Variants in PTPRN2 observed in about 807,000 individuals in gnomAD.
PTPRN2 encodes receptor-type tyrosine-protein phosphatase N2.
PTPRN2 carries 74 observed loss-of-function variants against 118.8 expected under a neutral mutation model. The ratio of observed to expected loss-of-function variants is 0.62; its 90% CI spans 0.52 to 0.76. The LOEUF is 0.76. Among genes scored for constraint, PTPRN2 ranks in the 30% least tolerant of loss-of-function variants. The probability of loss-of-function intolerance (pLI) is 0.00; values close to 1 mark genes in which losing one functional copy is unlikely to be tolerated. For missense variants in PTPRN2, 1,481 were observed against 1,394.4 expected (o/e 1.06, Z -0.99); for synonymous variants, 641 against 608.0 (o/e 1.05, Z -0.80).
intron 11 of PTPRN2, among the ~76,000 whole-genome samples, chr7:158,004,575 C>T (rs534572576): frequency 1.3e-5 from 2 of 152,296 alleles, no homozygotes; most frequent in African/African-American, 2.4e-5. Flanking sequence ...GAAAGAGGCA[C>T]ATCTTATCAC....
intron 11 of PTPRN2, among the ~76,000 whole-genome samples, chr7:157,912,703 A>G (rs557042506): frequency 7.9e-5 from 12 of 152,082 alleles, no homozygotes; most frequent in African/African-American, 2.9e-4. Flanking sequence ...AGGTCATTTC[A>G]TTTTTTTCTC....
chr7:157,552,965 C>T (rs536069543), intron 21 of PTPRN2, among the ~76,000 whole-genome samples: 22 of 152,332 alleles, frequency 1.4e-4, no homozygotes, highest in African/African-American at 4.1e-4. Context: ...TCACAGATCT[C>T]GTGAGCAAAC....
intron 11 of PTPRN2, among the ~76,000 whole-genome samples, chr7:157,968,475 A>C (rs1802094840): frequency 6.6e-6 from 1 of 152,154 alleles, no homozygotes; most frequent in African/African-American, 2.4e-5. Flanking sequence ...TTCGGTTTTC[A>C]AGAGTTTCTG....
chr7:158,345,613 G>A (rs368225118), intron 2 of PTPRN2, among the ~76,000 whole-genome samples: 30 of 152,326 alleles, frequency 2.0e-4, no homozygotes, highest in Admixed American at 8.5e-4. Flanking sequence ...TTCCAATGCC[G>A]TCCACTCATC....
At chr7:157,945,161 GC>G (rs1469412924) in intron 11 of PTPRN2, among the ~76,000 whole-genome samples, 2 of 152,112 alleles carry the variant, frequency 1.3e-5, no homozygotes, top group Non-Finnish European at 2.9e-5. Flanking sequence ...GGATGCGGAG[GC>G]CCCAGTGCTG....
At chr7:157,636,096 TA>T (rs1343576444) in intron 14 of PTPRN2, among the ~76,000 whole-genome samples, 3 of 152,256 alleles carry the variant, frequency 2.0e-5, no homozygotes, top group African/African-American at 7.2e-5. Context: ...CATTAGCTGC[TA>T]ATCCCCTTTC....
At chr7:158,070,966 TCAC>T (rs1253259088) in intron 11 of PTPRN2, among the ~76,000 whole-genome samples, 2 of 41,020 alleles carry the variant, frequency 4.9e-5, no homozygotes, top group African/African-American at 2.8e-4. Context: ...GTGGAGGTGC[TCAC>T]GGTGGAGGTG....
chr7:157,716,604 TCA>T lies in PTPRN2; in HGVS notation c.1789-33669_1789-33668del, dbSNP rs1256882875. 4.3e-5 allele frequency among the ~76,000 whole-genome samples: 2 copies of T among 46,924 alleles called. 1 individual carries two copies. Among genetic ancestry groups the T allele is most frequent in the African/African-American group, 2.7e-4 (2 of 7,512 alleles). The allele number at this position is 46,924 out of a possible 152,430, so 30.8% of individuals were successfully genotyped here. ...TAGACTCTGCGGGAACACTGCCTGG[TCA>T]CACAGACTCTGCAGGAACACTGCCT... On this transcript the variant is annotated intron_variant, in intron 12 of 22. Transcript: ENST00000389418.
chr7:157,718,339 C>A (rs1429229796), intron 12 of PTPRN2, among the ~76,000 whole-genome samples: 1 of 152,234 alleles, frequency 6.6e-6, no homozygotes, highest in Non-Finnish European at 1.5e-5. Flanking sequence ...ACAAGGCACT[C>A]ATGAATGAGC....
chr7:158,244,049 A>G (rs1313050847), intron 3 of PTPRN2, among the ~76,000 whole-genome samples: 3 of 152,204 alleles, frequency 2.0e-5, no homozygotes, highest in Admixed American at 6.5e-5. Context: ...AGTCACTGAC[A>G]TCACTTCCTG....
intron 5 of PTPRN2, among the ~76,000 whole-genome samples, chr7:158,169,288 G>C (rs567033986): frequency 6.6e-6 from 1 of 152,202 alleles, no homozygotes; most frequent in South Asian, 2.1e-4. Context: ...TTTCATCCAG[G>C]CTGGAGTGAA....
At chr7:158,504,698 C>G (rs983128310) in intron 1 of PTPRN2, among the ~76,000 whole-genome samples, 2 of 152,200 alleles carry the variant, frequency 1.3e-5, no homozygotes, top group Admixed American at 1.3e-4. Flanking sequence ...GAACAATTCC[C>G]TGTCCTTAGT....
chr7:158,363,416 G>A (rs1277636249), intron 2 of PTPRN2, among the ~76,000 whole-genome samples: 5 of 152,156 alleles, frequency 3.3e-5, no homozygotes, highest in East Asian at 1.9e-4. Context: ...GCCCAATTTC[G>A]GAAAAAACAA....
Position 157,560,604 on chromosome 7 carries a change from G to A in PTPRN2, c.2902+8298C>T, listed in dbSNP as rs1055988569. On this transcript the variant is annotated intron_variant, in intron 21 of 22. Transcript: ENST00000389418. The surrounding 1 kb of genome is among the most constrained non-coding windows in gnomAD (Gnocchi z 6.7). ...TCTCTTGCACCAGAATAGCTCAGGGGAAGGAAAGGCACAGAAAATAAACAA... is the reference window on the plus strand; with the variant it reads ...TCTCTTGCACCAGAATAGCTCAGGGAAAGGAAAGGCACAGAAAATAAACAA... 6.6e-6 allele frequency among the ~76,000 whole-genome samples: 1 copy of A among 152,174 alleles called. No homozygotes were observed. Among genetic ancestry groups the A allele is most frequent in the Non-Finnish European group, 1.5e-5 (1 of 68,028 alleles).
At chr7:157,660,999 C>T (rs1371570643) in intron 13 of PTPRN2, among the ~76,000 whole-genome samples, 1 of 152,242 alleles carries the variant, frequency 6.6e-6, no homozygotes, top group Non-Finnish European at 1.5e-5. Context: ...GGTGATCCAC[C>T]CGCCTTGGCC....
intron 12 of PTPRN2, among the ~76,000 whole-genome samples, chr7:157,703,821 C>T (rs1194161249): frequency 6.6e-6 from 1 of 152,158 alleles, no homozygotes; most frequent in African/African-American, 2.4e-5. Context: ...ACTACATTTG[C>T]CTCACTCTGG....
chr7:158,353,701 G>A (rs1317103845), intron 2 of PTPRN2, among the ~76,000 whole-genome samples: 1 of 152,160 alleles, frequency 6.6e-6, no homozygotes, highest in Non-Finnish European at 1.5e-5. Context: ...GACAGCAGGA[G>A]AACCAGACCC....
chr7:157,720,722 G>A (rs1799186284), intron 12 of PTPRN2, among the ~76,000 whole-genome samples: 1 of 152,224 alleles, frequency 6.6e-6, no homozygotes, highest in South Asian at 2.1e-4. Context: ...CAAATGGTGA[G>A]CGTGCCTCAC....
chr7:157,616,342 G>A (rs56320796), intron 15 of PTPRN2: 13,590 of 152,256 alleles, frequency 0.089, 942 homozygotes, highest in African/African-American at 0.19. Context: ...AAGAGCTCAC[G>A]GAAGGTGCAC....
Sources: gnomAD v4.1 joint callset for allele counts (sites outside exome capture counted in the v4.1 genomes callset) on GRCh38, gnomAD v4.1.1 for gene constraint, Gnocchi (gnomAD v3.1) non-coding constraint, MANE v1.5 for transcripts, NCBI Gene and HGNC (gene_info 2026-07-23, HGNC 2026-07-21) for gene names.